TRMT11: variants seen among roughly 807,000 people sequenced by gnomAD.
TRMT11 encodes the protein tRNA methyltransferase 11, also known as tRNA (guanine(10)-N(2))-methyltransferase TRMT11.
Under a neutral mutation model 62.8 loss-of-function variants are expected in TRMT11, and 53 were observed. The observed-to-expected ratio is 0.84, with a 90% CI of 0.68 to 1.06. The LOEUF (loss-of-function observed/expected upper bound fraction) is 1.06, where lower values mean the gene tolerates loss of function less well. Among genes scored for constraint, TRMT11 ranks in the 50% least tolerant of loss-of-function variants. The pLI, the probability that TRMT11 is intolerant of heterozygous loss-of-function variation, is 0.00. For synonymous variants in TRMT11, 188 were observed against 190.3 expected (o/e 0.99, Z 0.10); for missense variants, 556 against 553.4 (o/e 1.00, Z -0.05).
chr6:126,082,200 G>A (rs1193765373), intron 17 of TRMT11, among the ~76,000 whole-genome samples: 2 of 152,018 alleles, frequency 1.3e-5, no homozygotes, highest in African/African-American at 2.4e-5. Context: ...CGATACCACC[G>A]AAAGTGGACA....
chr6:126,032,451 G>A (rs1310701865), intron 12 of TRMT11, among the ~76,000 whole-genome samples: 1 of 152,076 alleles, frequency 6.6e-6, no homozygotes, highest in African/African-American at 2.4e-5. Context: ...TCCCAGAATG[G>A]ATTTACCTCC....
chr6:126,261,357 A>C, the TRMT11 span, among the ~76,000 whole-genome samples: 7 of 151,940 alleles, frequency 4.6e-5, no homozygotes, highest in Admixed American at 4.6e-4. Flanking sequence ...AAATATTTGT[A>C]TTCTCTTGTA....
At chr6:126,175,165 G>A (rs1331491675), upstream of TRMT11, among the ~76,000 whole-genome samples, 1 of 152,106 alleles carries the variant, frequency 6.6e-6, no homozygotes, top group Non-Finnish European at 1.5e-5. Flanking sequence ...CCTGGTACTG[G>A]GACAGTGATT....
At chr6:126,263,829 G>T in the TRMT11 span, among the ~76,000 whole-genome samples, 1 of 152,184 alleles carries the variant, frequency 6.6e-6, no homozygotes, top group Non-Finnish European at 1.5e-5. Context: ...CTCAGAAAGA[G>T]ACTTTGATTA....
chr6:126,122,585 T>A (rs2128198299), intron 21 of TRMT11, among the ~76,000 whole-genome samples: 1 of 152,260 alleles, frequency 6.6e-6, no homozygotes, highest in Middle Eastern at 3.4e-3. Flanking sequence ...AAGGAAGGAA[T>A]GCATGTTCAG....
At chr6:126,131,013 A>G (rs1468035082) in intron 21 of TRMT11, among the ~76,000 whole-genome samples, 2 of 152,098 alleles carry the variant, frequency 1.3e-5, no homozygotes, top group African/African-American at 4.8e-5. Context: ...GGGAAGTGTT[A>G]TTGCTTGGAG....
rs1033609498 is a variant in TRMT11, at chr6:125,988,009, C to T, written c.72+1387C>T. Among the ~76,000 whole-genome samples, 5 of 152,106 alleles carry T rather than the reference C, an allele frequency of 3.3e-5. 1 individual carries two copies. On this transcript the variant is annotated intron_variant, in intron 1 of 12. Transcript: ENST00000334379. ...TCAAAGGATAAGGTCAAAAGAGTAG[C>T]GGGCCAAGTATAGATGCTTGGAAGC...
the TRMT11 span, chr6:126,258,156 T>A: frequency 1.3e-6 from 1 of 748,968 alleles, no homozygotes; most frequent in Non-Finnish European, 2.5e-6. Flanking sequence ...CTCCTCCAGG[T>A]TGAGGCACTT....
the TRMT11 span, among the ~76,000 whole-genome samples, chr6:126,271,877 AAT>A: frequency 2.0e-5 from 3 of 152,196 alleles, no homozygotes; most frequent in African/African-American, 4.8e-5. Context: ...TGTGGACACT[AAT>A]AAGAATTCAG....
At chr6:126,140,032 GT>G (rs1777899758) in intron 21 of TRMT11, among the ~76,000 whole-genome samples, 1 of 151,852 alleles carries the variant, frequency 6.6e-6, no homozygotes, top group Non-Finnish European at 1.5e-5. Context: ...ATTAAGTATG[GT>G]ACTTATTACA....
intron 1 of TRMT11, among the ~76,000 whole-genome samples, chr6:126,185,377 G>T (rs1295088958): frequency 2.6e-5 from 4 of 152,134 alleles, no homozygotes; most frequent in Admixed American, 1.3e-4. Flanking sequence ...AGAATGGTGA[G>T]CAATGACCTG....
At chr6:126,234,962 T>C in the TRMT11 span, among the ~76,000 whole-genome samples, 11 of 152,172 alleles carry the variant, frequency 7.2e-5, no homozygotes, top group African/African-American at 1.2e-4. Context: ...GGCCTATTTG[T>C]AATGCATGAA....
chr6:126,202,045 A>G (rs1778739212), exon 4 of TRMT11: 2 of 152,334 alleles, frequency 1.3e-5, no homozygotes, highest in South Asian at 4.1e-4. Context: ...CACGGAGAAG[A>G]TGCCCTATAC....
chr6:126,024,367 G>A (rs1796239824), intron 12 of TRMT11, among the ~76,000 whole-genome samples: 1 of 152,110 alleles, frequency 6.6e-6, no homozygotes, highest in Admixed American at 6.5e-5. Flanking sequence ...TCTTCACAAG[G>A]CCTTTCCTTT....
intron 11 of TRMT11, 81 bp from the exon 12 acceptor site, chr6:126,021,079 C>G (rs1795739081): frequency 6.6e-7 from 1 of 1,511,878 alleles, no homozygotes; most frequent in South Asian, 1.2e-5. Flanking sequence ...AAGAACATCC[C>G]ACACTACACT....
chr6:126,089,027 T>C (rs1777244457), intron 17 of TRMT11, among the ~76,000 whole-genome samples: 1 of 152,206 alleles, frequency 6.6e-6, no homozygotes, highest in South Asian at 2.1e-4. Context: ...TACAGACCAA[T>C]ATCACCTTGT....
chr6:126,194,429 A>C (rs193121754), intron 1 of TRMT11, among the ~76,000 whole-genome samples: 4 of 152,256 alleles, frequency 2.6e-5, no homozygotes, highest in African/African-American at 9.6e-5. Flanking sequence ...TTATTTCTTT[A>C]TGAAGTTGTT....
chr6:126,027,819 A>G (rs1225102767), intron 12 of TRMT11, among the ~76,000 whole-genome samples: 1 of 152,212 alleles, frequency 6.6e-6, no homozygotes. Context: ...TGAGGGTTTT[A>G]ACTAAAGGAC....
At chr6:126,194,923 C>T (rs1034891187) in intron 1 of TRMT11, among the ~76,000 whole-genome samples, 5 of 151,800 alleles carry the variant, frequency 3.3e-5, no homozygotes, top group Non-Finnish European at 7.4e-5. Flanking sequence ...GAGATCAGCC[C>T]GAGCAACATA....
Sources: allele counts gnomAD v4.1 joint callset (sites outside exome capture counted in the v4.1 genomes callset), GRCh38; gene constraint gnomAD v4.1.1; transcripts MANE v1.5; gene names NCBI Gene and HGNC (gene_info 2026-07-23, HGNC 2026-07-21).